The following ATP5F1C variants were observed in gnomAD, a reference collection of about 807,000 sequenced individuals.
ATP5F1C encodes ATP synthase F1 subunit gamma.
A neutral mutation model predicts 37.4 loss-of-function variants in ATP5F1C; 22 were observed. The observed-to-expected ratio is 0.59, with a 90% CI of 0.42 to 0.84. The LOEUF (loss-of-function observed/expected upper bound fraction) is 0.84, where lower values mean the gene tolerates loss of function less well. Ranked by LOEUF, ATP5F1C falls within the 40% of genes least tolerant of loss-of-function variation. ATP5F1C has a pLI of 0.00. For missense variants in ATP5F1C, 286 were observed against 362.4 expected, an observed-to-expected ratio of 0.79 and a Z score of 1.71; for synonymous variants, 121 against 128.0, an observed-to-expected ratio of 0.95 and a Z score of 0.37.
intron 1 of ATP5F1C, among the ~76,000 whole-genome samples, chr10:7,793,425 ATCTTC>A (rs1836192795): frequency 1.3e-5 from 2 of 152,030 alleles, no homozygotes; most frequent in South Asian, 4.1e-4. Flanking sequence ...CCATCTGTTG[ATCTTC>A]TTTGGTGAAG....
Position 7,807,678 on chromosome 10 carries a change from C to T in ATP5F1C, c.*50C>T. Reference sequence around the variant, plus strand: ...TTTCAGGTAAAGAAGGAAAATTCAGCCAGTTGATTTTGTTTTTAGCTTACT... The same window carrying T: ...TTTCAGGTAAAGAAGGAAAATTCAGTCAGTTGATTTTGTTTTTAGCTTACT... On this transcript the variant is annotated 3_prime_UTR_variant, in exon 10 of 10. Coordinates refer to ENST00000356708, the MANE Select transcript of ATP5F1C (RefSeq NM_001001973.3). 1.9e-6 allele frequency: 3 copies of T among 1,606,408 alleles called. No homozygotes were observed. The highest frequency in any genetic ancestry group is 2.2e-5 in the South Asian group (2 of 89,464).
In ATP5F1C at chr10:7,800,047, C is replaced by A; in HGVS notation, c.593C>A (p.Thr198Lys). The A allele has an allele frequency of 2.5e-6, 4 of 1,613,958 alleles. No individual in the cohort carries two copies. Among genetic ancestry groups the A allele is most frequent in the Non-Finnish European group, 3.4e-6 (4 of 1,179,934 alleles). The part of the protein sequence containing the change: ...NKFRSVISYK[T>K]EEKPIFSLNT... ...TCTAGGTCTGTCATCTCCTATAAGA[C>A]AGAAGAAAAGCCCATCTTTTCCCTT... Residue 198 changes from threonine to lysine, a missense_variant, in exon 6 of 10, where the codon ACA becomes AAA. Thr to Lys is a moderately conservative substitution (Grantham distance 78, BLOSUM62 -1). Transcript: ENST00000356708.
intron 2 of ATP5F1C, 104 bp downstream of exon 2, chr10:7,796,259 C>G (rs188599930): frequency 0.021 from 19,914 of 964,208 alleles, 268 homozygotes; most frequent in South Asian, 0.031. Context: ...TGTATTTGAT[C>G]AAAACTGACC....
At chr10:7,804,283 A>G in intron 8 of ATP5F1C, 1 of 486,696 alleles carries the variant, frequency 2.1e-6, no homozygotes, top group Non-Finnish European at 4.1e-6. Context: ...TCTCTGTTAT[A>G]CACTCATTCT....
intron 7 of ATP5F1C, 40 bp downstream of exon 7, chr10:7,802,465 T>C: frequency 6.3e-7 from 1 of 1,577,498 alleles, no homozygotes; most frequent in Non-Finnish European, 8.6e-7. Context: ...GGAGTGCTTG[T>C]GAGCACACAG....
Position 7,799,759 on chromosome 10 carries a change from G to T in ATP5F1C, c.429-13G>T. 6.2e-7 allele frequency: 1 copy of T among 1,610,582 alleles called. No homozygotes were observed. Among genetic ancestry groups the T allele is most frequent in the South Asian group, 1.1e-5 (1 of 90,610 alleles). ...TATTAAACTAGCTATGTGAGCTCTT[G>T]CTTTTCTTATAGGACTCATTCTGAC... On this transcript the variant is annotated splice_polypyrimidine_tract_variant and intron_variant, in intron 4 of 9. Transcript: ENST00000356708.
At chr10:7,794,893 G>A (rs1001734633) in intron 1 of ATP5F1C, among the ~76,000 whole-genome samples, 1 of 152,148 alleles carries the variant, frequency 6.6e-6, no homozygotes, top group Non-Finnish European at 1.5e-5. Context: ...ATGTGAAGAA[G>A]TTAAATGCTT....
intron 1 of ATP5F1C, among the ~76,000 whole-genome samples, chr10:7,790,674 A>C (rs1836148513): frequency 6.6e-6 from 1 of 152,250 alleles, no homozygotes; most frequent in South Asian, 2.1e-4. Flanking sequence ...GTAGTACTGT[A>C]TGAAGAGAGA....
chr10:7,803,511 T>G lies in ATP5F1C; in HGVS notation c.890+657T>G, dbSNP rs569073662. ...GGTTTTTGTTTTTATTATTTTATCA[T>G]TATTTTTGTCTTTTTTCCAAATATT... On this transcript the variant is annotated intron_variant, in intron 8 of 9. Coordinates refer to ENST00000356708, the MANE Select transcript of ATP5F1C (RefSeq NM_001001973.3). Among the ~76,000 whole-genome samples the G allele has an allele frequency of 1.3e-4, 20 of 152,366 alleles. No individual in the cohort carries two copies. In the South Asian group the frequency reaches 3.7e-3, roughly 28 times the overall value.
Position 7,790,031 on chromosome 10 carries a change from GTCT to G in ATP5F1C, c.56+1776_56+1778del, listed in dbSNP as rs765053673. Among the ~76,000 whole-genome samples the G allele has an allele frequency of 7.4e-4, 112 of 152,288 alleles. 2 individuals carry two copies. The highest frequency in any genetic ancestry group is 6.8e-3 in the Middle Eastern group (2 of 294). On this transcript the variant is annotated intron_variant, in intron 1 of 9. Transcript: ENST00000356708. The stretch of plus-strand genomic sequence containing the variant: ...GTGTTCCACTATGAAAGCATATTCT[GTCT>G]TCTTCTTTTCATGTATTCCTTCACT...
Position 7,806,976 on chromosome 10 carries a change from A to T in ATP5F1C, c.893A>T (p.Asp298Val). 6.2e-7 allele frequency: 1 copy of T among 1,611,572 alleles called. No individual in the cohort carries two copies. The highest frequency in any genetic ancestry group is 8.5e-7 in the Non-Finnish European group (1 of 1,177,912). The change falls in exon 9 of 10, where the codon GAT (aspartate) becomes GTT (valine). Residue 298 changes from aspartate (D) to valine (V), a missense_variant and splice_region_variant. Physicochemically the swap from Asp to Val is radical, Grantham distance 152. Transcript: ENST00000356708. Reference sequence around the variant, plus strand: ...TTTTCTTCTAATATAATAACCAGGGATTAATGAAAATCAAGTTCCATCCTC... The same window carrying T: ...TTTTCTTCTAATATAATAACCAGGGTTTAATGAAAATCAAGTTCCATCCTC... ...IEIISGAAAL[D>V] is the part of the protein sequence containing the mutation.
At chr10:7,792,952 A>C (rs1009686527) in intron 1 of ATP5F1C, among the ~76,000 whole-genome samples, 1 of 152,220 alleles carries the variant, frequency 6.6e-6, no homozygotes, top group Admixed American at 6.5e-5. Flanking sequence ...GCCATCAATG[A>C]GAGTTCCTTT....
chr10:7,795,450 TA>T (rs1836222607), intron 1 of ATP5F1C, among the ~76,000 whole-genome samples: 1 of 152,200 alleles, frequency 6.6e-6, no homozygotes, highest in African/African-American at 2.4e-5. Flanking sequence ...ACATTTCATT[TA>T]AGCCTAATCA....
chr10:7,796,018 T>C, intron 1 of ATP5F1C, 103 bp from the exon 2 acceptor site: 1 of 832,558 alleles, frequency 1.2e-6, no homozygotes, highest in Non-Finnish European at 1.9e-6. Context: ...ATTGTTTCTT[T>C]ATGGGGTATT....
chr10:7,799,234 A>T (rs1478970158), intron 4 of ATP5F1C, 40 bp downstream of exon 4: 3 of 1,561,170 alleles, frequency 1.9e-6, no homozygotes, highest in Non-Finnish European at 1.7e-6. Flanking sequence ...TAAAGATGTA[A>T]GCACGAATAA....
intron 8 of ATP5F1C, among the ~76,000 whole-genome samples, chr10:7,806,380 C>T (rs1466223007): frequency 4.6e-5 from 7 of 152,084 alleles, no homozygotes; most frequent in Non-Finnish European, 7.4e-5. Flanking sequence ...TATGGCCAGG[C>T]GCAGTGGCTC....
At chr10:7,797,225 A>C (rs377674658) in intron 3 of ATP5F1C, 47 bp downstream of exon 3, 84 of 1,601,158 alleles carry the variant, frequency 5.2e-5, no homozygotes, top group Non-Finnish European at 6.9e-5. Context: ...TGTTTCACAC[A>C]AGGAAGACTA....
chr10:7,800,649 C>G (rs1239225604), intron 6 of ATP5F1C, among the ~76,000 whole-genome samples: 1 of 152,110 alleles, frequency 6.6e-6, no homozygotes, highest in Admixed American at 6.5e-5. Flanking sequence ...TGCACGCCAC[C>G]ACGCCTGGCT....
rs1355327801 is a variant in ATP5F1C at position 7,802,758 on chromosome 10, CTGAGA to C, written c.798_802del (p.Glu266AspfsTer2). ...TGTAGTGTTTTTGTTTTGTTTGTAGCTGAGATGATTGACAAATTGACATTGACATT... is the reference window on the plus strand; with the variant it reads ...TGTAGTGTTTTTGTTTTGTTTGTAGCTGATTGACAAATTGACATTGACATT... On this transcript the variant is annotated frameshift_variant and splice_region_variant, in exon 8 of 10. Transcript: ENST00000356708. LOFTEE classifies it high-confidence loss of function. 5 of 1,612,766 alleles carry C rather than the reference CTGAGA, an allele frequency of 3.1e-6. No homozygotes were observed. Among genetic ancestry groups the C allele is most frequent in the Non-Finnish European group, 4.2e-6 (5 of 1,179,576 alleles).
Sources: allele counts gnomAD v4.1 joint callset (sites outside exome capture counted in the v4.1 genomes callset), GRCh38; gene constraint gnomAD v4.1.1; transcripts MANE v1.5; gene names NCBI Gene and HGNC (gene_info 2026-07-23, HGNC 2026-07-21).